Variants in TTN observed in about 807,000 individuals in gnomAD.
TTN encodes connectin.
A neutral mutation model predicts 3,223.0 loss-of-function variants in TTN; 1,525 were observed. The observed-to-expected ratio is 0.47, with a 90% CI of 0.45 to 0.49. The LOEUF is 0.49. TTN is among the 20% of genes least tolerant of loss of function. The pLI is 0.00. For synonymous variants in TTN, 14,094 were observed against 15,161.0 expected (o/e 0.93, Z 5.17); for missense variants, 40,786 against 43,424.0 (o/e 0.94, Z 5.40).
Position 178,710,777 on chromosome 2 carries a change from G to A in TTN, c.28320C>T (p.Gly9440=), listed in dbSNP as rs375083775. ...WAKDSREIRS[G]GKYQISYLEN... ...CCAGATAACTAATCTGGTACTTTCC[G>A]CCACTTCGTATTTCTCTGCTGTCTT... is the stretch of plus-strand genomic sequence containing the variant. The change falls in exon 98 of 363, where the codon GGC becomes GGT. Residue 9440 remains glycine (G), a synonymous_variant. Coordinates refer to ENST00000589042, the MANE Select transcript of TTN (RefSeq NM_001267550.2). 3.3e-5 allele frequency: 54 copies of A among 1,613,690 alleles called. No homozygotes were observed. In the African/African-American group the frequency reaches 5.2e-4, roughly 16 times the overall value.
At position 178,568,810 on chromosome 2, in the gene TTN, T is replaced by G; in HGVS notation, c.77322A>C (p.Val25774=). ...GAGGATCACTTCTCCCCTTTTCATT[T>G]ACAGCAACAACTCTAAAAAGATATT... The part of the protein sequence containing the change: ...GEEYLFRVVA[V]NEKGRSDPRS... Residue 25774 remains valine (V), a synonymous_variant, in exon 326 of 363, where the codon GTA becomes GTC. Coordinates refer to ENST00000589042, the MANE Select transcript of TTN (RefSeq NM_001267550.2). The G allele has an allele frequency of 6.2e-7, 1 of 1,613,298 alleles. No homozygotes were observed. The highest frequency in any genetic ancestry group is 8.5e-7 in the Non-Finnish European group (1 of 1,179,556).
rs1692289481 is a variant in TTN at position 178,537,834 on chromosome 2, C to G, written c.99373G>C (p.Val33125Leu). 1.2e-6 allele frequency: 2 copies of G among 1,613,684 alleles called. No individual in the cohort carries two copies. The highest frequency in any genetic ancestry group is 3.3e-5 in the Admixed American group (2 of 59,994). Reference sequence around the variant, plus strand: ...TTAATGTCAGGAAGAGGCCTTCCAACAATCTGGCATGAGAGTTGAGCAGCT... The same window carrying G: ...TTAATGTCAGGAAGAGGCCTTCCAAGAATCTGGCATGAGAGTTGAGCAGCT... ...GEAAQLSCQI[V>L]GRPLPDIKWY... Residue 33125 changes from valine to leucine, a missense_variant, in exon 355 of 363, where the codon GTT (valine) becomes CTT (leucine). Coordinates refer to ENST00000589042, the MANE Select transcript of TTN (RefSeq NM_001267550.2).
chr2:178,570,870 C>T lies in TTN; in HGVS notation c.75262G>A (p.Gly25088Arg), dbSNP rs773853569. ...EFRVIARNAAGVFSEPSESTG... is the reference protein window; with the variant it reads ...EFRVIARNAARVFSEPSESTG... The stretch of plus-strand genomic sequence containing the variant: ...CTTTCTGAAGGCTCACTAAACACTC[C>T]TGCGGCATTTCGGGCTATAACCCGG... Residue 25088 changes from glycine (G) to arginine (R), a missense_variant, in exon 326 of 363, where the codon GGA becomes AGA. Physicochemically the swap from Gly to Arg is moderately radical, Grantham distance 125. Coordinates refer to ENST00000589042, the MANE Select transcript of TTN (RefSeq NM_001267550.2). The T allele has an allele frequency of 8.1e-6, 13 of 1,613,438 alleles. No homozygotes were observed. The highest frequency in any genetic ancestry group is 8.5e-6 in the Non-Finnish European group (10 of 1,179,630).
At chr2:178,803,952 G>A (rs2094191637) in intron 2 of TTN, among the ~76,000 whole-genome samples, 1 of 152,168 alleles carries the variant, frequency 6.6e-6, no homozygotes, top group South Asian at 2.1e-4. Context: ...CTTTTAAATA[G>A]AGACACCCGA....
Position 178,617,819 on chromosome 2 carries a change from T to A in TTN, c.47532A>T (p.Pro15844=). The A allele has an allele frequency of 6.2e-7, 1 of 1,612,544 alleles. No individual in the cohort carries two copies. ...CTTTGACGAAGGGTGTGGCTGCACT[T>A]GGTTTTCCAACTCCAATTCGATTTT... The part of the protein sequence containing the change: ...RAQNRIGVGK[P]SAATPFVKVA... The change falls in exon 253 of 363, where the codon CCA becomes CCT. Residue 15844 remains proline (P), a synonymous_variant. Coordinates refer to ENST00000589042, the MANE Select transcript of TTN (RefSeq NM_001267550.2).
At chr2:178,610,957 T>G in intron 270 of TTN, 36 bp downstream of exon 270, 2 of 1,607,440 alleles carry the variant, frequency 1.2e-6, no homozygotes, top group Non-Finnish European at 1.7e-6. Context: ...CCTCTACATG[T>G]GAAGAATGTC....
At position 178,600,929 on chromosome 2, in the gene TTN, C is replaced by T; in HGVS notation, c.55975G>A (p.Val18659Ile). The T allele has an allele frequency of 6.2e-7, 1 of 1,612,996 alleles. No homozygotes were observed. Among genetic ancestry groups the T allele is most frequent in the Non-Finnish European group, 8.5e-7 (1 of 1,179,310 alleles). The change falls in exon 288 of 363, where the codon GTC becomes ATC. Residue 18659 changes from valine (V) to isoleucine (I), a missense_variant. Physicochemically the swap from Val to Ile is conservative, Grantham distance 29. Transcript: ENST00000589042. ...LVEGGEYEFR[V>I]KAVNAAGVSK... ...ACTCCTGCAGCATTGACAGCTTTGA[C>T]TCGGAATTCATATTCCCCACCCTCT...
In TTN at chr2:178,529,247, C is replaced by T. The variant is rs779835296; in HGVS notation, c.106532-28G>A. On this transcript the variant is annotated intron_variant, in intron 359 of 362. Coordinates refer to ENST00000589042, the MANE Select transcript of TTN (RefSeq NM_001267550.2). Reference sequence around the variant, plus strand: ...AAAAAAGAAACCTCTGTAAGGCAAACTTAATTAGAAAGAGACCCCCACCTT... The same window carrying T: ...AAAAAAGAAACCTCTGTAAGGCAAATTTAATTAGAAAGAGACCCCCACCTT... 7.1e-6 allele frequency: 10 copies of T among 1,411,348 alleles called. No individual in the cohort carries two copies. The African/African-American group carries it at 1.4e-4, about 20-fold the overall frequency. 87.4% of individuals were successfully genotyped at this position (1,411,348 alleles called of 1,614,324 possible).
At position 178,532,511 on chromosome 2, in the gene TTN, G is replaced by A. The variant is rs139894068; in HGVS notation, c.104104C>T (p.His34702Tyr). 2 of 1,614,028 alleles carry A rather than the reference G, an allele frequency of 1.2e-6. No individual in the cohort carries two copies. Among genetic ancestry groups the A allele is most frequent in the Admixed American group, 3.3e-5 (2 of 60,032 alleles). ...SASPPSRSPP[H>Y]FELSSLRYSS... ...TAACGTAGGCTAGAAAGCTCAAAGT[G>A]TGGAGGGCTTCGACTTGGGGGTGAA... The change falls in exon 358 of 363, where the codon CAC (histidine) becomes TAC (tyrosine). Residue 34702 changes from histidine to tyrosine, a missense_variant. Transcript: ENST00000589042.
At position 178,640,055 on chromosome 2, in the gene TTN, G is replaced by C; in HGVS notation, c.40779C>G (p.Pro13593=). The C allele has an allele frequency of 6.2e-7, 1 of 1,612,050 alleles. No individual in the cohort carries two copies. The highest frequency in any genetic ancestry group is 8.5e-7 in the Non-Finnish European group (1 of 1,178,712). ...GAGGATAAGCTTGCTCACCTGCTTCGGGCTTTGGTTTCGGTTCAGGTGCAG... is the reference window on the plus strand; with the variant it reads ...GAGGATAAGCTTGCTCACCTGCTTCCGGCTTTGGTTTCGGTTCAGGTGCAG... ...PLPAPEPKPK[P]EAEVKTIKPP... Residue 13593 remains proline (P), a synonymous_variant, in exon 222 of 363, where the codon CCC becomes CCG. Coordinates refer to ENST00000589042, the MANE Select transcript of TTN (RefSeq NM_001267550.2).
At position 178,704,558 on chromosome 2, in the gene TTN, G is replaced by A. The variant is rs1319501039; in HGVS notation, c.29914C>T (p.Arg9972Ter). The A allele has an allele frequency of 6.2e-7, 1 of 1,613,286 alleles. No homozygotes were observed. ...NCQLKDQGNY[R>*]LVCGPHIASA... ...GCGATGTGTGGACCACAAACCAATC[G>A]ATAATTGCCCTGGTCTTTAAGTTGA... Residue 9972 changes from arginine (R) to a stop codon, truncating the protein, a stop_gained, in exon 105 of 363, where the codon CGA (arginine) becomes TGA (stop). Transcript: ENST00000589042. LOFTEE classifies it high-confidence loss of function.
chr2:178,547,653 A>T lies in TTN; in HGVS notation c.93973T>A (p.Ser31325Thr). 1 of 1,613,888 alleles carries T rather than the reference A, an allele frequency of 6.2e-7. No homozygotes were observed. Among genetic ancestry groups the T allele is most frequent in the Admixed American group, 1.7e-5 (1 of 60,004 alleles). The change falls in exon 339 of 363, where the codon TCG becomes ACG. Residue 31325 changes from serine (S) to threonine (T), a missense_variant. Transcript: ENST00000589042. The stretch of plus-strand genomic sequence containing the variant: ...GGTTCTCCCCATGACAGGACACACG[A>T]TTCAGCTGAGACAGATGAGACCTCA... Reference protein sequence around the residue: ...PIEVSSVSAESCVLSWGEPKD... With the variant: ...PIEVSSVSAETCVLSWGEPKD...
chr2:178,556,867 A>G lies in TTN; in HGVS notation c.88287T>C (p.Ile29429=). 1 of 1,613,712 alleles carries G rather than the reference A, an allele frequency of 6.2e-7. No individual in the cohort carries two copies. The highest frequency in any genetic ancestry group is 8.5e-7 in the Non-Finnish European group (1 of 1,179,820). Residue 29429 remains isoleucine, a synonymous_variant, in exon 330 of 363, where the codon ATT becomes ATC. Coordinates refer to ENST00000589042, the MANE Select transcript of TTN (RefSeq NM_001267550.2). ...GCTTACCATAAGAATCGATGCAAGT[A>G]ATGGGCCCTACAACCTCAGATGGAT... ...ISNPSEVVGP[I]TCIDSYGGPV... is the part of the protein sequence containing the mutation.
chr2:178,645,868 TG>T, intron 217 of TTN, 51 bp downstream of exon 217: 1 of 1,162,580 alleles, frequency 8.6e-7, no homozygotes. Flanking sequence ...TTCAGATGGC[TG>T]GATAGAAGTT....
At position 178,560,285 on chromosome 2, in the gene TTN, C is replaced by A. The variant is rs373942982; in HGVS notation, c.85847G>T (p.Arg28616Leu). ...YDLRVKSTGLREGCEYEYRVY... is the reference protein window; with the variant it reads ...YDLRVKSTGLLEGCEYEYRVY... ...ACGATATTCATATTCACATCCTTCC[C>A]GAAGTCCTGTTGATTTCACTCTTAG... Residue 28616 changes from arginine (R) to leucine (L), a missense_variant, in exon 326 of 363, where the codon CGG (arginine) becomes CTG (leucine). Physicochemically the swap from Arg to Leu is moderately radical, Grantham distance 102. Coordinates refer to ENST00000589042, the MANE Select transcript of TTN (RefSeq NM_001267550.2). 6.2e-7 allele frequency: 1 copy of A among 1,613,658 alleles called. No homozygotes were observed. The highest frequency in any genetic ancestry group is 1.3e-5 in the African/African-American group (1 of 74,906).
intron 361 of TTN, 155 bp downstream of exon 361, chr2:178,528,119 A>G: frequency 1.2e-6 from 1 of 844,740 alleles, no homozygotes; most frequent in Non-Finnish European, 1.8e-6. Context: ...CTATAAAGAA[A>G]GTTTGACTAC....
Position 178,577,986 on chromosome 2 carries a change from A to T in TTN, c.68527+2T>A, listed in dbSNP as rs2046824420. On this transcript the variant is annotated splice_donor_variant, in intron 322 of 362. Transcript: ENST00000589042. LOFTEE classifies it high-confidence loss of function. ...TGGGTTTTTCTTCATATAATGACTT[A>T]CCAATTGGGTCCAGTGCCACAACAG... The T allele has an allele frequency of 1.2e-6, 2 of 1,610,716 alleles. No individual in the cohort carries two copies. Among genetic ancestry groups the T allele is most frequent in the East Asian group, 4.5e-5 (2 of 44,686 alleles).
Position 178,608,190 on chromosome 2 carries a change from G to C in TTN, c.52693C>G (p.His17565Asp), listed in dbSNP as rs370126872. 3.4e-5 allele frequency: 55 copies of C among 1,602,390 alleles called. No individual in the cohort carries two copies. In the Middle Eastern group the frequency reaches 5.0e-4, roughly 15 times the overall value. ...AGGAACTACTTACAGATTGGATCAT[G>C]TGCTGTTTTGGGATCTGAAGGTGGA... ...FSPPSDPKTA[H>D]DPISPPGPPI... Residue 17565 changes from histidine to aspartate, a missense_variant, in exon 275 of 363, where the codon CAT (histidine) becomes GAT (aspartate). His to Asp is a moderately conservative substitution (Grantham distance 81). Coordinates refer to ENST00000589042, the MANE Select transcript of TTN (RefSeq NM_001267550.2).
rs749465424 is a variant in TTN, at chr2:178,719,721, T to C, written c.23771A>G (p.Lys7924Arg). ...GTCTGCAGACAATTCTCTTCCATCTTTGAACCACTTGGCTGAGAGTTCTGG... is the reference window on the plus strand; with the variant it reads ...GTCTGCAGACAATTCTCTTCCATCTCTGAACCACTTGGCTGAGAGTTCTGG... ...GTPELSAKWFKDGRELSADSK... is the reference protein window; with the variant it reads ...GTPELSAKWFRDGRELSADSK... Residue 7924 changes from lysine to arginine, a missense_variant, in exon 82 of 363, where the codon AAA becomes AGA. Lys to Arg is a conservative substitution (Grantham distance 26). Coordinates refer to ENST00000589042, the MANE Select transcript of TTN (RefSeq NM_001267550.2). 2 of 1,613,746 alleles carry C rather than the reference T, an allele frequency of 1.2e-6. No homozygotes were observed. Among genetic ancestry groups the C allele is most frequent in the Admixed American group, 3.3e-5 (2 of 60,010 alleles).
Sources: gnomAD v4.1 joint callset for allele counts (sites outside exome capture counted in the v4.1 genomes callset) on GRCh38, gnomAD v4.1.1 for gene constraint, MANE v1.5 for transcripts, NCBI Gene and HGNC (gene_info 2026-07-23, HGNC 2026-07-21) for gene names.